Variants in CD84 observed in about 807,000 individuals in gnomAD.
CD84 encodes the protein SLAM family member 5.
CD84 carries 22 observed loss-of-function variants against 33.8 expected under a neutral mutation model. The observed-to-expected ratio is 0.65, with a 90% CI of 0.46 to 0.93. The LOEUF (loss-of-function observed/expected upper bound fraction) is 0.93. Ranked by LOEUF, CD84 falls within the 40% of genes least tolerant of loss-of-function variation. The pLI, the probability that CD84 is intolerant of heterozygous loss-of-function variation, is 0.00. For synonymous variants in CD84, 154 were observed against 145.2 expected, an observed-to-expected ratio of 1.06 and a Z score of -0.44; for missense variants, 400 against 397.6, an observed-to-expected ratio of 1.01 and a Z score of -0.05.
intron 1 of CD84, among the ~76,000 whole-genome samples, chr1:160,569,538 ACACG>A (rs1165103555): frequency 0.053 from 4,712 of 88,192 alleles, 114 homozygotes; most frequent in East Asian, 0.16. Flanking sequence ...ACACACACAC[ACACG>A]CACGCACGCA....
intron 5 of CD84, 135 bp downstream of exon 5, chr1:160,550,803 T>C (rs1175574890): frequency 5.2e-6 from 8 of 1,524,794 alleles, no homozygotes; most frequent in Non-Finnish European, 7.0e-6. Context: ...CCTGACATGG[T>C]ATTTCCTGGT....
At chr1:160,553,213 C>T in intron 4 of CD84, 165 bp downstream of exon 4, 1 of 1,133,780 alleles carries the variant, frequency 8.8e-7, no homozygotes, top group Non-Finnish European at 1.3e-6. Context: ...AGGGTAATGT[C>T]ATACCATCCT....
chr1:160,548,252 C>A lies in CD84; in HGVS notation c.*4G>T. The A allele has an allele frequency of 6.2e-7, 1 of 1,614,130 alleles. No individual in the cohort carries two copies. Among genetic ancestry groups the A allele is most frequent in the African/African-American group, 1.3e-5 (1 of 75,020 alleles). ...TTTCCAGAGGGAGAATTCAGCCCAG[C>A]AGCCTAGATCACAATTTCATAGCTT... On this transcript the variant is annotated 3_prime_UTR_variant, in exon 7 of 7. Coordinates refer to ENST00000368054, the MANE Select transcript of CD84 (RefSeq NM_003874.4).
At position 160,579,259 on chromosome 1, in the gene CD84, G is replaced by C. The variant is rs986669893; in HGVS notation, c.46+133C>G. 7.6e-6 allele frequency: 9 copies of C among 1,185,282 alleles called. No homozygotes were observed. In the African/African-American group the frequency reaches 1.2e-4, roughly 16 times the overall value. The allele number at this position is 1,185,282 out of a possible 1,614,324, so 73.4% of individuals were successfully genotyped here. ...TCTCCCCAGCCAGTTGGATCCTGTT[G>C]AGTACAGTAGATACTGAGACCCAGG... On this transcript the variant is annotated intron_variant, in intron 1 of 6. Transcript: ENST00000368054.
chr1:160,578,726 T>A (rs184344940), intron 1 of CD84, among the ~76,000 whole-genome samples: 27 of 152,290 alleles, frequency 1.8e-4, no homozygotes, highest in Admixed American at 1.5e-3. Context: ...TCAATATTCA[T>A]GTCGTTCTTT....
chr1:160,571,076 T>G (rs1553234045), intron 1 of CD84: 1 of 152,136 alleles, frequency 6.6e-6, no homozygotes, highest in Non-Finnish European at 1.5e-5. Context: ...GACTGTGAAC[T>G]GCCAACTCCG....
chr1:160,569,558 GCACA>G (rs940214629), intron 1 of CD84, among the ~76,000 whole-genome samples: 1 of 147,788 alleles, frequency 6.8e-6, no homozygotes, highest in South Asian at 2.1e-4. Context: ...ACGCACGCAC[GCACA>G]CACACAATTC....
At chr1:160,571,672 G>C (rs77113077) in intron 1 of CD84, among the ~76,000 whole-genome samples, 5,746 of 152,188 alleles carry the variant, frequency 0.038, 182 homozygotes, top group African/African-American at 0.076. Flanking sequence ...TGGGGGCTGG[G>C]GGGGAGGAGC....
rs760777920 is a variant in CD84 at position 160,547,002 on chromosome 1, C to T, written c.*1254G>A. 41 of 396,738 alleles carry T rather than the reference C, an allele frequency of 1.0e-4. No homozygotes were observed. Among genetic ancestry groups the T allele is most frequent in the Middle Eastern group, 1.3e-3 (2 of 1,600 alleles). The allele number at this position is 396,738 out of a possible 1,614,324, so 24.6% of individuals were successfully genotyped here. ...TATTCATTGGGATTTAGGAGTTAGC[C>T]GATTATACTTGCTAACACATAAGGG... is the stretch of plus-strand genomic sequence containing the variant. On this transcript the variant is annotated 3_prime_UTR_variant, in exon 7 of 7. Transcript: ENST00000368054.
intron 1 of CD84, among the ~76,000 whole-genome samples, chr1:160,572,575 T>C (rs1358873725): frequency 2.0e-5 from 3 of 149,382 alleles, no homozygotes; most frequent in East Asian, 2.0e-4. Flanking sequence ...AATGTAAAAA[T>C]TGGGGGGGGG....
intron 6 of CD84, among the ~76,000 whole-genome samples, chr1:160,549,636 G>A (rs185962607): frequency 5.9e-5 from 9 of 152,210 alleles, no homozygotes; most frequent in Admixed American, 1.3e-4. Flanking sequence ...GGTATTATAC[G>A]GGATGGAGTT....
chr1:160,549,802 T>G, intron 6 of CD84, 115 bp downstream of exon 6: 2 of 824,346 alleles, frequency 2.4e-6, no homozygotes, highest in African/African-American at 1.7e-5. Flanking sequence ...CAGTGGGTCC[T>G]GAGAACTACA....
At position 160,552,883 on chromosome 1, in the gene CD84, A is replaced by T. The variant is rs1656329686; in HGVS notation, c.760+495T>A. 16 of 661,196 alleles carry T rather than the reference A, an allele frequency of 2.4e-5. No individual in the cohort carries two copies. In the South Asian group the frequency reaches 2.7e-4, roughly 11 times the overall value. 41.0% of individuals were successfully genotyped at this position (661,196 alleles called of 1,614,324 possible). On this transcript the variant is annotated intron_variant, in intron 4 of 6. Transcript: ENST00000368054. ...TATAATGATTCCTTGAGGGTCTAAG[A>T]TCAGGTTTTCTGAATGGAGAATGGC...
chr1:160,551,008 G>A lies in CD84; in HGVS notation c.788C>T (p.Thr263Ile), dbSNP rs1571347618. 34 of 1,613,654 alleles carry A rather than the reference G, an allele frequency of 2.1e-5. No homozygotes were observed. The East Asian group carries it at 7.6e-4, about 36-fold the overall frequency. ...GGTGTTCCTTGAAGCCATGATATAT[G>A]TGTATATGGTTTTCTTTGAGGCAGC... is the stretch of plus-strand genomic sequence containing the variant. ...QDAASKKTIY[T>I]YIMASRNTQP... The change falls in exon 5 of 7, where the codon ACA becomes ATA. Residue 263 changes from threonine to isoleucine, a missense_variant. By Grantham distance (89) the Thr-to-Ile change is moderately conservative. Coordinates refer to ENST00000368054, the MANE Select transcript of CD84 (RefSeq NM_003874.4).
chr1:160,561,547 G>A (rs190900828), intron 2 of CD84, among the ~76,000 whole-genome samples: 3 of 152,208 alleles, frequency 2.0e-5, no homozygotes, highest in East Asian at 1.9e-4. Context: ...ACAAACTCAC[G>A]CCAATATCAT....
chr1:160,551,263 G>A (rs1293217754), intron 4 of CD84: 1 of 480,120 alleles, frequency 2.1e-6, no homozygotes, highest in Non-Finnish European at 3.7e-6. Flanking sequence ...GTCCAGATTA[G>A]GCCAAAGACA....
intron 2 of CD84, among the ~76,000 whole-genome samples, chr1:160,559,461 T>C (rs1046786619): frequency 6.6e-6 from 1 of 152,096 alleles, no homozygotes; most frequent in Non-Finnish European, 1.5e-5. Flanking sequence ...AGGCCTGCCT[T>C]GCAAGAGCTC....
intron 2 of CD84, among the ~76,000 whole-genome samples, chr1:160,555,334 C>T (rs572195789): frequency 1.6e-3 from 238 of 152,210 alleles, no homozygotes; most frequent in Middle Eastern, 6.8e-3. Flanking sequence ...CCACCCGCCT[C>T]GGCCTCCCAA....
chr1:160,549,359 C>T (rs1276260935), intron 6 of CD84, among the ~76,000 whole-genome samples: 1 of 152,206 alleles, frequency 6.6e-6, no homozygotes, highest in Non-Finnish European at 1.5e-5. Flanking sequence ...GACAATCCCT[C>T]CTTAGATCCC....
Sources: gnomAD v4.1 joint callset for allele counts (sites outside exome capture counted in the v4.1 genomes callset) on GRCh38, gnomAD v4.1.1 for gene constraint, MANE v1.5 for transcripts, NCBI Gene and HGNC (gene_info 2026-07-23, HGNC 2026-07-21) for gene names.